The following CSNK2A2IP variants were observed in gnomAD, a reference collection of about 807,000 sequenced individuals.
CSNK2A2IP encodes casein kinase 2 subunit alpha' interacting protein.
chr3:88,364,407 A>G, the CSNK2A2IP span, among the ~76,000 whole-genome samples: 1 of 152,066 alleles, frequency 6.6e-6, no homozygotes. Context: ...GGGGGCTTCC[A>G]TTTGTACTAT....
At chr3:88,457,751 A>C in the CSNK2A2IP span, among the ~76,000 whole-genome samples, 2,030 of 148,230 alleles carry the variant, frequency 0.014, 50 homozygotes, top group South Asian at 0.034. Context: ...AAAATAAAAT[A>C]AAATCTAGTA....
the CSNK2A2IP span, among the ~76,000 whole-genome samples, chr3:88,358,420 A>G: frequency 6.6e-6 from 1 of 152,182 alleles, no homozygotes; most frequent in Non-Finnish European, 1.5e-5. Flanking sequence ...CGGATCTTAA[A>G]CTAAAGGCTT....
the CSNK2A2IP span, among the ~76,000 whole-genome samples, chr3:88,388,387 C>T: frequency 6.6e-6 from 1 of 152,122 alleles, no homozygotes. Context: ...ATATATTATT[C>T]AATTTGATCA....
chr3:88,367,574 ACT>A, the CSNK2A2IP span, among the ~76,000 whole-genome samples: 2 of 152,140 alleles, frequency 1.3e-5, no homozygotes, highest in Non-Finnish European at 2.9e-5. Flanking sequence ...CTTCCTTAAC[ACT>A]CAGAAATCTG....
chr3:88,444,847 A>G, the CSNK2A2IP span, among the ~76,000 whole-genome samples: 1 of 152,166 alleles, frequency 6.6e-6, no homozygotes, highest in African/African-American at 2.4e-5. Context: ...AGTTCCCTTA[A>G]TATGTCATGG....
the CSNK2A2IP span, among the ~76,000 whole-genome samples, chr3:88,399,110 G>A: frequency 4.6e-5 from 7 of 152,102 alleles, no homozygotes; most frequent in African/African-American, 1.7e-4. Flanking sequence ...ATTGATATAG[G>A]TGGTGTTTTT....
the CSNK2A2IP span, chr3:88,465,737 C>A: frequency 1.6e-6 from 2 of 1,231,674 alleles, no homozygotes; most frequent in Non-Finnish European, 2.0e-6. Context: ...CACTCCAAAG[C>A]TCAAACAACG....
the CSNK2A2IP span, chr3:88,466,999 G>A: frequency 8.2e-7 from 1 of 1,222,334 alleles, no homozygotes; most frequent in African/African-American, 1.6e-5. Context: ...AGTCCCTGAA[G>A]ACAACCTTGA....
chr3:88,403,223 T>C, the CSNK2A2IP span, among the ~76,000 whole-genome samples: 1 of 152,110 alleles, frequency 6.6e-6, no homozygotes, highest in Non-Finnish European at 1.5e-5. Context: ...TTCTCAAGTA[T>C]TTAAAAATAC....
At chr3:88,339,825 G>T in the CSNK2A2IP span, among the ~76,000 whole-genome samples, 3 of 152,026 alleles carry the variant, frequency 2.0e-5, no homozygotes, top group Non-Finnish European at 2.9e-5. Flanking sequence ...AATTATGGGG[G>T]TGAGAACCTA....
At chr3:88,374,224 G>C in the CSNK2A2IP span, among the ~76,000 whole-genome samples, 1 of 151,814 alleles carries the variant, frequency 6.6e-6, no homozygotes, top group South Asian at 2.1e-4. Flanking sequence ...ATTGGCCATT[G>C]TGGTTTAACT....
the CSNK2A2IP span, among the ~76,000 whole-genome samples, chr3:88,356,442 T>C: frequency 6.6e-6 from 1 of 152,188 alleles, no homozygotes; most frequent in African/African-American, 2.4e-5. Context: ...ATTCTTTTTA[T>C]GGCTGAATAA....
chr3:88,403,475 C>A, the CSNK2A2IP span, among the ~76,000 whole-genome samples: 1 of 152,070 alleles, frequency 6.6e-6, no homozygotes, highest in Non-Finnish European at 1.5e-5. Context: ...TGTAATGGGG[C>A]AGCTTTGTTC....
At chr3:88,359,496 G>A in the CSNK2A2IP span, among the ~76,000 whole-genome samples, 1 of 151,506 alleles carries the variant, frequency 6.6e-6, no homozygotes, top group African/African-American at 2.4e-5. Flanking sequence ...TTTAATGTAG[G>A]CATTTATTGC....
the CSNK2A2IP span, chr3:88,431,437 GA>G: frequency 6.6e-6 from 1 of 152,188 alleles, no homozygotes. Context: ...TGACACAATG[GA>G]CTTTGGGGAT....
At chr3:88,399,851 C>T in the CSNK2A2IP span, 6 of 152,260 alleles carry the variant, frequency 3.9e-5, no homozygotes, top group African/African-American at 1.2e-4. Context: ...AAAAATGAAC[C>T]GGGGAACCTG....
chr3:88,385,080 A>G, the CSNK2A2IP span, among the ~76,000 whole-genome samples: 5 of 152,204 alleles, frequency 3.3e-5, no homozygotes, highest in South Asian at 2.1e-4. Context: ...AGATTTGGAA[A>G]TAGCATAAAG....
chr3:88,424,158 T>C, the CSNK2A2IP span, among the ~76,000 whole-genome samples: 17 of 152,176 alleles, frequency 1.1e-4, no homozygotes, highest in Non-Finnish European at 2.4e-4. Context: ...TATAAAATAA[T>C]CTTCATGCTT....
the CSNK2A2IP span, among the ~76,000 whole-genome samples, chr3:88,429,485 G>A: frequency 1.2e-4 from 19 of 152,052 alleles, no homozygotes; most frequent in African/African-American, 4.1e-4. Context: ...TCTCTCTAAC[G>A]TGGTCTACAC....
Sources: allele counts gnomAD v4.1 joint callset (sites outside exome capture counted in the v4.1 genomes callset), GRCh38; gene constraint gnomAD v4.1.1; transcripts MANE v1.5; gene names NCBI Gene and HGNC (gene_info 2026-07-23, HGNC 2026-07-21).